CADM2: variants seen among roughly 807,000 people sequenced by gnomAD.
CADM2 encodes the protein immunoglobulin superfamily member 4D.
Under a neutral mutation model 49.8 loss-of-function variants are expected in CADM2, and 12 were observed. The ratio of observed to expected loss-of-function variants is 0.24; its 90% CI spans 0.15 to 0.39. CADM2 has a LOEUF of 0.39. Among genes scored for constraint, CADM2 ranks in the 10% least tolerant of loss-of-function variants. CADM2 has a pLI of 1.00. For synonymous variants in CADM2, 214 were observed against 175.4 expected (o/e 1.22, Z -1.74); for missense variants, 378 against 492.3 (o/e 0.77, Z 2.20).
In CADM2 at chr3:85,373,230, C is replaced by T. The variant is rs115375475; in HGVS notation, c.62-353292C>T. On this transcript the variant is annotated intron_variant, in intron 1 of 9. Transcript: ENST00000383699. ...GGGGCTACAGGCATTGGTAAATACA[C>T]CCATTCCAAATGGGATAAATTGGCC... Among the ~76,000 whole-genome samples, 814 of 152,238 alleles carry T rather than the reference C, an allele frequency of 5.3e-3. 7 individuals carry two copies. The highest frequency in any genetic ancestry group is 0.019 in the African/African-American group (773 of 41,536).
chr3:85,901,315 C>T (rs1391356156), intron 5 of CADM2, among the ~76,000 whole-genome samples: 1 of 152,134 alleles, frequency 6.6e-6, no homozygotes, highest in East Asian at 1.9e-4. Flanking sequence ...TGGTAAATTA[C>T]CTTCCATTTG....
At chr3:85,352,710 A>G (rs914453083) in intron 1 of CADM2, among the ~76,000 whole-genome samples, 1 of 152,094 alleles carries the variant, frequency 6.6e-6, no homozygotes, top group Non-Finnish European at 1.5e-5. Flanking sequence ...TGCCTTTTTG[A>G]TATTTATAAT....
At chr3:85,116,603 C>T (rs1034357730) in intron 1 of CADM2, among the ~76,000 whole-genome samples, 10 of 152,014 alleles carry the variant, frequency 6.6e-5, no homozygotes, top group Admixed American at 5.9e-4. Flanking sequence ...ACATTATATA[C>T]TTCTCAATGA....
intron 5 of CADM2, among the ~76,000 whole-genome samples, chr3:85,904,300 A>G (rs1716505206): frequency 6.6e-6 from 1 of 152,122 alleles, no homozygotes. Flanking sequence ...ACTGGGTGAA[A>G]GAAGAGAGTC....
intron 1 of CADM2, among the ~76,000 whole-genome samples, chr3:85,550,506 A>G (rs1024548035): frequency 6.6e-6 from 1 of 152,210 alleles, no homozygotes; most frequent in African/African-American, 2.4e-5. Flanking sequence ...CTGTGTTTCA[A>G]CAATTCCTCT....
intron 1 of CADM2, among the ~76,000 whole-genome samples, chr3:85,687,544 G>T (rs2107672508): frequency 6.6e-6 from 1 of 152,110 alleles, no homozygotes; most frequent in South Asian, 2.1e-4. Context: ...GAAAATAAAA[G>T]ACATTAGGAA....
rs139662794 is a variant in CADM2, at chr3:85,583,598, G to T, written c.62-142924G>T. Among the ~76,000 whole-genome samples the T allele has an allele frequency of 3.5e-3, 538 of 152,096 alleles. 7 individuals carry two copies. The highest frequency in any genetic ancestry group is 0.012 in the African/African-American group (503 of 41,516). ...AACTAAACTTTTAAAAGTTCAATAG[G>T]ATTATAGAAGATGTTTATTTTTAAA... is the stretch of plus-strand genomic sequence containing the variant. On this transcript the variant is annotated intron_variant, in intron 1 of 9. Transcript: ENST00000383699.
At chr3:85,871,935 TACAA>T (rs2075947008) in intron 3 of CADM2, among the ~76,000 whole-genome samples, 4 of 152,212 alleles carry the variant, frequency 2.6e-5, no homozygotes, top group Admixed American at 2.6e-4. Context: ...TTGTGGAATA[TACAA>T]ACAAAATACA....
intron 8 of CADM2, chr3:85,994,343 G>A (rs914063156): frequency 3.3e-5 from 5 of 152,206 alleles, no homozygotes; most frequent in Admixed American, 6.5e-5. Flanking sequence ...ATTGAAGAGA[G>A]TTAGGGCCTT....
chr3:85,975,240 G>A (rs1726635120), intron 8 of CADM2, among the ~76,000 whole-genome samples: 1 of 151,300 alleles, frequency 6.6e-6, no homozygotes, highest in African/African-American at 2.4e-5. Flanking sequence ...TATTTAGTAT[G>A]TGGTGAGAAT....
intron 8 of CADM2, among the ~76,000 whole-genome samples, chr3:86,038,656 CT>C (rs1390970174): frequency 3.3e-5 from 5 of 152,170 alleles, no homozygotes; most frequent in Non-Finnish European, 7.3e-5. Flanking sequence ...CATTTTTCCC[CT>C]GATCTAGAGT....
At chr3:85,303,563 T>G (rs1005519199) in intron 1 of CADM2, among the ~76,000 whole-genome samples, 5 of 152,052 alleles carry the variant, frequency 3.3e-5, no homozygotes, top group African/African-American at 9.6e-5. Flanking sequence ...CTCTAAAATT[T>G]GAATAAGAAA....
chr3:85,860,250 T>TA (rs1262850296), intron 3 of CADM2, among the ~76,000 whole-genome samples: 1 of 152,164 alleles, frequency 6.6e-6, no homozygotes, highest in African/African-American at 2.4e-5. Flanking sequence ...CACACACTCT[T>TA]ACGGACATAG....
intron 6 of CADM2, among the ~76,000 whole-genome samples, chr3:85,918,262 T>A (rs1031068639): frequency 6.6e-6 from 1 of 152,062 alleles, no homozygotes; most frequent in Non-Finnish European, 1.5e-5. Context: ...CCAGTTTTTG[T>A]CCATTCAGTA....
At chr3:85,005,688 T>C (rs961962278) in intron 1 of CADM2, among the ~76,000 whole-genome samples, 1 of 151,528 alleles carries the variant, frequency 6.6e-6, no homozygotes, top group Non-Finnish European at 1.5e-5. Flanking sequence ...TTCTAAGATC[T>C]GATAAAAAAA....
intron 1 of CADM2, among the ~76,000 whole-genome samples, chr3:85,474,173 G>A (rs1054238023): frequency 2.0e-5 from 3 of 151,600 alleles, no homozygotes; most frequent in African/African-American, 7.3e-5. Context: ...GTGTGTTTAT[G>A]TTGTGTTTAT....
chr3:85,773,748 G>A (rs1231250113), intron 2 of CADM2, among the ~76,000 whole-genome samples: 1 of 151,964 alleles, frequency 6.6e-6, no homozygotes, highest in Admixed American at 6.6e-5. Flanking sequence ...AGTTCCGTGA[G>A]TGCTGGGGTT....
intron 1 of CADM2, among the ~76,000 whole-genome samples, chr3:85,383,707 C>A (rs1293552883): frequency 1.3e-5 from 2 of 148,952 alleles, no homozygotes; most frequent in Admixed American, 1.3e-4. Flanking sequence ...ATTATTTATA[C>A]AATATATTTA....
intron 1 of CADM2, among the ~76,000 whole-genome samples, chr3:85,212,890 T>TCTCTCTCTCTCTCTCTCTCTCTCTC (rs1423004326): frequency 4.6e-5 from 4 of 86,882 alleles, no homozygotes; most frequent in East Asian, 3.0e-4. Context: ...TTCTTTCTCT[T>TCTCTCTCTCTCTCTCTCTCTCTCTC]TCTTTCTTTT....
Sources: allele counts gnomAD v4.1 joint callset (sites outside exome capture counted in the v4.1 genomes callset), GRCh38; gene constraint gnomAD v4.1.1; transcripts MANE v1.5; gene names NCBI Gene and HGNC (gene_info 2026-07-23, HGNC 2026-07-21).